ZNF652: variants seen among roughly 807,000 people sequenced by gnomAD.
ZNF652 encodes the protein zinc finger protein 652.
Under a neutral mutation model 45.2 loss-of-function variants are expected in ZNF652, and 16 were observed. That is an observed-to-expected ratio of 0.35 (90% confidence interval 0.24 to 0.54). The LOEUF is 0.54. ZNF652 is among the 20% of genes least tolerant of loss of function. The pLI, the probability that ZNF652 is intolerant of heterozygous loss-of-function variation, is 0.91. For missense variants in ZNF652, 614 were observed against 765.6 expected, an observed-to-expected ratio of 0.80 and a Z score of 2.34; for synonymous variants, 250 against 260.6, an observed-to-expected ratio of 0.96 and a Z score of 0.39.
chr17:49,323,755 G>A (rs1344185745), intron 1 of ZNF652, among the ~76,000 whole-genome samples: 4 of 152,206 alleles, frequency 2.6e-5, no homozygotes, highest in Non-Finnish European at 5.9e-5. Context: ...TAGGTGCACT[G>A]TCAATGAGCA....
chr17:49,292,660 G>T lies in ZNF652; in HGVS notation c.*5753C>A, dbSNP rs550510157. On this transcript the variant is annotated 3_prime_UTR_variant, in exon 6 of 6. Coordinates refer to ENST00000430262, the MANE Select transcript of ZNF652 (RefSeq NM_001145365.3). Reference sequence around the variant, plus strand: ...CAGGAAGACTTCAGTTGAGAAAAAGGTGTTCAAAAGACATTCAATGACCTT... The same window carrying T: ...CAGGAAGACTTCAGTTGAGAAAAAGTTGTTCAAAAGACATTCAATGACCTT... 2.0e-5 allele frequency among the ~76,000 whole-genome samples: 3 copies of T among 152,098 alleles called. No individual in the cohort carries two copies. The highest frequency in any genetic ancestry group is 6.6e-5 in the Admixed American group (1 of 15,252).
rs2070402809 is a variant in ZNF652, at chr17:49,361,995, A to G, written c.-345T>C. ...CGGGGGCCTGCAGCCGCGGCGCTCG[A>G]GTCACAACCGCCGGCTGGGCCAGCC... On this transcript the variant is annotated 5_prime_UTR_variant, in exon 1 of 6. Transcript: ENST00000430262. The G allele has an allele frequency of 1.3e-5, 2 of 149,060 alleles. 1 individual carries two copies. Among genetic ancestry groups the G allele is most frequent in the Non-Finnish European group, 3.0e-5 (2 of 66,774 alleles). 9.2% of individuals were successfully genotyped at this position (149,060 alleles called of 1,614,324 possible). A position where few individuals can be genotyped will look rare whatever the true frequency, so the allele number is the denominator to read the frequency against.
At chr17:49,347,795 A>G (rs536403925) in intron 1 of ZNF652, among the ~76,000 whole-genome samples, 75 of 140,446 alleles carry the variant, frequency 5.3e-4, no homozygotes, top group African/African-American at 2.0e-3. Flanking sequence ...TGAGGCTGGA[A>G]ATGCAGTGGC....
At chr17:49,327,157 A>G (rs535851524) in intron 1 of ZNF652, among the ~76,000 whole-genome samples, 1 of 152,222 alleles carries the variant, frequency 6.6e-6, no homozygotes, top group Admixed American at 6.5e-5. Flanking sequence ...GCACATATAT[A>G]GATAATTTTT....
intron 1 of ZNF652, among the ~76,000 whole-genome samples, chr17:49,342,760 C>T (rs749424252): frequency 6.6e-6 from 1 of 152,074 alleles, no homozygotes; most frequent in African/African-American, 2.4e-5. Flanking sequence ...GAGGAGAAAA[C>T]CCCCCTCAGT....
intron 1 of ZNF652, among the ~76,000 whole-genome samples, chr17:49,358,421 T>C (rs2070359982): frequency 6.6e-6 from 1 of 152,208 alleles, no homozygotes; most frequent in African/African-American, 2.4e-5. Flanking sequence ...AGTTATGCCC[T>C]TTAGAATAAC....
At chr17:49,359,509 A>G (rs886582157) in intron 1 of ZNF652, among the ~76,000 whole-genome samples, 1 of 152,192 alleles carries the variant, frequency 6.6e-6, no homozygotes, top group African/African-American at 2.4e-5. Context: ...GGAAGGTCTC[A>G]AAGAATTTTT....
At chr17:49,311,819 G>T in intron 4 of ZNF652, 108 bp downstream of exon 4, 1 of 902,694 alleles carries the variant, frequency 1.1e-6, no homozygotes, top group Non-Finnish European at 1.7e-6. Context: ...AAAGTTCTGT[G>T]GAAGGCAGCC....
At chr17:49,304,072 T>TATTTC (rs2069594071) in intron 5 of ZNF652, among the ~76,000 whole-genome samples, 1 of 147,320 alleles carries the variant, frequency 6.8e-6, no homozygotes, top group Admixed American at 6.8e-5. Flanking sequence ...TTTTTTTTTT[T>TATTTC]TGTATTTTTA....
chr17:49,309,599 C>A (rs933464565), intron 5 of ZNF652, among the ~76,000 whole-genome samples: 12 of 151,804 alleles, frequency 7.9e-5, no homozygotes, highest in Non-Finnish European at 1.5e-4. Context: ...CACAAAAAAA[C>A]CTGAACCCTA....
intron 1 of ZNF652, among the ~76,000 whole-genome samples, chr17:49,334,785 A>C (rs2070062677): frequency 6.6e-6 from 1 of 152,012 alleles, no homozygotes; most frequent in African/African-American, 2.4e-5. Context: ...TCTCCAAAAA[A>C]AAAAAAAAGG....
chr17:49,313,414 C>A (rs1567920365), intron 2 of ZNF652, among the ~76,000 whole-genome samples: 1 of 152,102 alleles, frequency 6.6e-6, no homozygotes, highest in African/African-American at 2.4e-5. Context: ...GCCTCAGCCT[C>A]CCAAAGTACT....
chr17:49,351,313 G>A (rs1045738595), intron 1 of ZNF652, among the ~76,000 whole-genome samples: 1 of 151,748 alleles, frequency 6.6e-6, no homozygotes, highest in South Asian at 2.1e-4. Context: ...TTTCCTAACC[G>A]TGAAACGTGC....
At chr17:49,362,471 C>G (rs891705837), upstream of ZNF652, 1 of 152,318 alleles carries the variant, frequency 6.6e-6, no homozygotes, top group African/African-American at 2.4e-5. Flanking sequence ...GCCGGCTCCC[C>G]GCGCCGCCCC....
chr17:49,339,681 C>G (rs2070123451), intron 1 of ZNF652, among the ~76,000 whole-genome samples: 1 of 152,144 alleles, frequency 6.6e-6, no homozygotes, highest in Non-Finnish European at 1.5e-5. Context: ...AGGTTTTAAC[C>G]AAGCGATTTT....
chr17:49,306,205 G>A (rs2069626372), intron 5 of ZNF652, among the ~76,000 whole-genome samples: 1 of 152,156 alleles, frequency 6.6e-6, no homozygotes, highest in African/African-American at 2.4e-5. Context: ...AGACAAACCA[G>A]GGGAAAGTAT....
At position 49,317,255 on chromosome 17, in the gene ZNF652, C is replaced by T. The variant is rs1303377467; in HGVS notation, c.471G>A (p.Glu157=). The T allele has an allele frequency of 6.2e-7, 1 of 1,612,736 alleles. No individual in the cohort carries two copies. The highest frequency in any genetic ancestry group is 2.2e-5 in the East Asian group (1 of 44,870). ...LKTSSEEEEE[E]SEEEATDDSN... is the part of the protein sequence containing the mutation. The stretch of plus-strand genomic sequence containing the variant: ...TGTCATCTGTGGCCTCTTCCTCACT[C>T]TCTTCCTCTTCCTCCTCACTGCTTG... The change falls in exon 2 of 6, where the codon GAG becomes GAA. Residue 157 remains glutamate (E), a synonymous_variant. Transcript: ENST00000430262.
chr17:49,325,253 T>C (rs2069944720), intron 1 of ZNF652, among the ~76,000 whole-genome samples: 1 of 152,120 alleles, frequency 6.6e-6, no homozygotes, highest in Admixed American at 6.5e-5. Context: ...GAGTTATTAA[T>C]TGGCCTAATT....
chr17:49,343,242 A>G (rs537547329), intron 1 of ZNF652, among the ~76,000 whole-genome samples: 1 of 152,328 alleles, frequency 6.6e-6, no homozygotes, highest in African/African-American at 2.4e-5. Context: ...ACAATGAATG[A>G]CTGCATATTT....
Sources: gnomAD v4.1 joint callset for allele counts (sites outside exome capture counted in the v4.1 genomes callset) on GRCh38, gnomAD v4.1.1 for gene constraint, MANE v1.5 for transcripts, NCBI Gene and HGNC (gene_info 2026-07-23, HGNC 2026-07-21) for gene names.